The following KDM2A variants were observed in gnomAD, a reference collection of about 807,000 sequenced individuals.
KDM2A encodes the protein lysine demethylase 2A.
In KDM2A, 3 loss-of-function variants were observed where a neutral mutation model predicts 137.3. That is an observed-to-expected ratio of 0.02 (90% CI 0.01 to 0.06). KDM2A has a LOEUF of 0.06. Ranked by LOEUF, KDM2A falls within the 10% of genes least tolerant of loss-of-function variation. KDM2A has a pLI of 1.00. For synonymous variants in KDM2A, 512 were observed against 541.5 expected, an observed-to-expected ratio of 0.95 and a Z score of 0.76; for missense variants, 738 against 1,510.6, an observed-to-expected ratio of 0.49 and a Z score of 8.48.
chr11:67,194,821 TAGG>T (rs923315283), intron 5 of KDM2A, among the ~76,000 whole-genome samples: 1 of 152,210 alleles, frequency 6.6e-6, no homozygotes, highest in Non-Finnish European at 1.5e-5. Flanking sequence ...AGCAGGGTTT[TAGG>T]AGGATCCTAT....
chr11:67,189,266 T>G (rs1857285821), intron 5 of KDM2A, among the ~76,000 whole-genome samples: 1 of 152,160 alleles, frequency 6.6e-6, no homozygotes, highest in Non-Finnish European at 1.5e-5. Flanking sequence ...ACTGGAAAGG[T>G]CACAAAATTG....
intron 2 of KDM2A, among the ~76,000 whole-genome samples, chr11:67,163,694 A>G (rs1856684190): frequency 6.6e-6 from 1 of 152,046 alleles, no homozygotes; most frequent in Admixed American, 6.6e-5. Flanking sequence ...CGTGTCTACT[A>G]AAAATACAAA....
intron 5 of KDM2A, among the ~76,000 whole-genome samples, chr11:67,185,669 T>C (rs535518616): frequency 1.3e-5 from 2 of 151,624 alleles, no homozygotes; most frequent in East Asian, 3.9e-4. Flanking sequence ...CCTTCCAAAA[T>C]TTATGTTGAA....
intron 12 of KDM2A, among the ~76,000 whole-genome samples, chr11:67,234,457 A>C (rs1031656633): frequency 3.3e-5 from 5 of 152,258 alleles, no homozygotes; most frequent in African/African-American, 1.2e-4. Context: ...ATTCCAAGGA[A>C]AAATAGTGCA....
At chr11:67,202,770 C>T (rs1031974947) in intron 5 of KDM2A, among the ~76,000 whole-genome samples, 10 of 148,390 alleles carry the variant, frequency 6.7e-5, no homozygotes, top group Non-Finnish European at 1.0e-4. Context: ...AGCGAGACTT[C>T]GTCTCAAAAA....
At chr11:67,151,159 G>A (rs1856377017) in intron 2 of KDM2A, among the ~76,000 whole-genome samples, 1 of 152,048 alleles carries the variant, frequency 6.6e-6, no homozygotes, top group Non-Finnish European at 1.5e-5. Flanking sequence ...TGCTTTAGGA[G>A]ATACACATAC....
At chr11:67,155,762 A>G (rs537396459) in intron 2 of KDM2A, among the ~76,000 whole-genome samples, 2 of 151,302 alleles carry the variant, frequency 1.3e-5, no homozygotes, top group South Asian at 2.1e-4. Flanking sequence ...GATTACAGGC[A>G]TGTGCCACCA....
intron 2 of KDM2A, among the ~76,000 whole-genome samples, chr11:67,150,491 A>G (rs1371908883): frequency 6.6e-6 from 1 of 152,284 alleles, no homozygotes; most frequent in South Asian, 2.1e-4. Context: ...TTTGTTTACT[A>G]TTAGTACACA....
At chr11:67,187,498 A>G (rs1003719216) in intron 5 of KDM2A, among the ~76,000 whole-genome samples, 2 of 152,162 alleles carry the variant, frequency 1.3e-5, no homozygotes, top group Admixed American at 6.5e-5. Flanking sequence ...GAGCAGGGGT[A>G]GCTATACTTA....
At chr11:67,164,842 A>C (rs1856705774) in intron 2 of KDM2A, among the ~76,000 whole-genome samples, 1 of 151,642 alleles carries the variant, frequency 6.6e-6, no homozygotes, top group South Asian at 2.1e-4. Flanking sequence ...CAAGTGATCT[A>C]CCCACCTCGG....
At chr11:67,175,417 C>G (rs1247941635) in intron 2 of KDM2A, among the ~76,000 whole-genome samples, 1 of 152,176 alleles carries the variant, frequency 6.6e-6, no homozygotes, top group Non-Finnish European at 1.5e-5. Flanking sequence ...GCCTAGATGA[C>G]AGAGACTCTG....
At chr11:67,141,818 TG>T (rs1359006795) in intron 2 of KDM2A, among the ~76,000 whole-genome samples, 1 of 151,724 alleles carries the variant, frequency 6.6e-6, no homozygotes, top group Non-Finnish European at 1.5e-5. Flanking sequence ...TGCACCCCTT[TG>T]CCCCTCATAC....
intron 6 of KDM2A, among the ~76,000 whole-genome samples, chr11:67,211,964 A>G (rs1427596169): frequency 1.3e-5 from 2 of 152,168 alleles, no homozygotes; most frequent in African/African-American, 2.4e-5. Context: ...ACAAGAAAAT[A>G]TGCATTTATA....
At chr11:67,134,199 A>G (rs888518266) in intron 2 of KDM2A, among the ~76,000 whole-genome samples, 1 of 152,200 alleles carries the variant, frequency 6.6e-6, no homozygotes, top group African/African-American at 2.4e-5. Context: ...TGGAGATACT[A>G]GAAGATTTAA....
chr11:67,214,282 G>T (rs1301722251), intron 6 of KDM2A, among the ~76,000 whole-genome samples: 1 of 148,888 alleles, frequency 6.7e-6, no homozygotes, highest in Non-Finnish European at 1.5e-5. Context: ...TCGGCTCACT[G>T]CAAGCTCCGC....
intron 2 of KDM2A, among the ~76,000 whole-genome samples, chr11:67,163,168 A>G (rs539267735): frequency 1.3e-5 from 2 of 152,284 alleles, no homozygotes; most frequent in Admixed American, 6.5e-5. Context: ...TTCTAGCGCT[A>G]CACTTTCGTA....
chr11:67,195,970 C>A, intron 5 of KDM2A: 1 of 443,628 alleles, frequency 2.3e-6, no homozygotes, highest in South Asian at 1.9e-5. Flanking sequence ...TCTATCAACT[C>A]AAGATGTTGT....
intron 2 of KDM2A, among the ~76,000 whole-genome samples, chr11:67,173,086 G>A (rs1856911197): frequency 6.6e-6 from 1 of 152,016 alleles, no homozygotes; most frequent in East Asian, 1.9e-4. Context: ...GACCTCTCCA[G>A]GCTTAGGAGA....
intron 5 of KDM2A, among the ~76,000 whole-genome samples, chr11:67,183,584 G>A (rs1857136169): frequency 6.6e-6 from 1 of 152,156 alleles, no homozygotes; most frequent in Admixed American, 6.5e-5. Flanking sequence ...GGGACAGCTT[G>A]GACAATAAAG....
Sources: gnomAD v4.1 joint callset for allele counts (sites outside exome capture counted in the v4.1 genomes callset) on GRCh38, gnomAD v4.1.1 for gene constraint, MANE v1.5 for transcripts, NCBI Gene and HGNC (gene_info 2026-07-23, HGNC 2026-07-21) for gene names.